Variants in PPP3R1 observed in about 807,000 individuals in gnomAD.
The protein encoded by PPP3R1 is calcineurin subunit B type 1.
In PPP3R1, 5 loss-of-function variants were observed where a neutral mutation model predicts 22.6. The observed-to-expected ratio is 0.22, with a 90% CI of 0.12 to 0.46. PPP3R1 has a LOEUF of 0.46. PPP3R1 is among the 20% of genes least tolerant of loss of function. The pLI is 0.99. For missense variants in PPP3R1, 61 were observed against 203.2 expected (o/e 0.30, Z 4.25); for synonymous variants, 56 against 65.2 (o/e 0.86, Z 0.68).
chr2:68,248,376 T>C (rs144823527), intron 1 of PPP3R1, among the ~76,000 whole-genome samples: 44 of 152,346 alleles, frequency 2.9e-4, no homozygotes, highest in Admixed American at 5.2e-4. Flanking sequence ...CTGTCTTATT[T>C]ACCCTACTTG....
intron 1 of PPP3R1, among the ~76,000 whole-genome samples, chr2:68,247,525 A>G (rs1370160761): frequency 6.6e-6 from 1 of 152,182 alleles, no homozygotes; most frequent in African/African-American, 2.4e-5. Context: ...ACTCTATCCT[A>G]TTGAAATTGG....
intron 1 of PPP3R1, among the ~76,000 whole-genome samples, chr2:68,224,760 C>T (rs1013167005): frequency 1.3e-5 from 2 of 151,068 alleles, no homozygotes; most frequent in Non-Finnish European, 2.9e-5. Flanking sequence ...AGTAAACACA[C>T]ACACACAATT....
At chr2:68,224,878 C>T (rs1376546092) in intron 1 of PPP3R1, among the ~76,000 whole-genome samples, 1 of 152,000 alleles carries the variant, frequency 6.6e-6, no homozygotes, top group Admixed American at 6.6e-5. Flanking sequence ...GACATGAAGA[C>T]TTGAATAGAT....
At position 68,188,824 on chromosome 2, in the gene PPP3R1, G is replaced by C. The variant is rs1572951839; in HGVS notation, c.44-134C>G. 4.4e-6 allele frequency: 3 copies of C among 682,052 alleles called. No homozygotes were observed. The East Asian group carries it at 8.6e-5, about 19-fold the overall frequency. 42.3% of individuals were successfully genotyped at this position (682,052 alleles called of 1,614,324 possible). On this transcript the variant is annotated intron_variant, in intron 2 of 5. Transcript: ENST00000234310. ...AAAAAAATCTAACAGTTATCCAATA[G>C]TTTAATTTCCAATTTGATAAAAAGA...
intron 1 of PPP3R1, among the ~76,000 whole-genome samples, chr2:68,251,921 C>A (rs1381002659): frequency 1.4e-5 from 2 of 144,278 alleles, no homozygotes; most frequent in African/African-American, 5.0e-5. Flanking sequence ...GGGGCGGGCG[C>A]GGGGGCCCCG....
chr2:68,187,933 T>G (rs1419860849), intron 3 of PPP3R1, among the ~76,000 whole-genome samples: 2 of 151,946 alleles, frequency 1.3e-5, no homozygotes, highest in East Asian at 3.9e-4. Flanking sequence ...TTTGGGAGGT[T>G]GAGGCACGTG....
intron 2 of PPP3R1, among the ~76,000 whole-genome samples, chr2:68,216,062 T>A (rs910884686): frequency 6.6e-6 from 1 of 152,066 alleles, no homozygotes; most frequent in East Asian, 1.9e-4. Context: ...TGGAAAACCA[T>A]AGAGGGACGA....
intron 2 of PPP3R1, 53 bp downstream of exon 2, chr2:68,217,039 C>CACGCAG (rs374427852): frequency 0.24 from 259,637 of 1,076,650 alleles, 34,976 homozygotes; most frequent in South Asian, 0.4. Flanking sequence ...CACACACACA[C>CACGCAG]AGAGAGAGAT....
At chr2:68,228,001 G>A (rs1669819976) in intron 1 of PPP3R1, among the ~76,000 whole-genome samples, 1 of 152,028 alleles carries the variant, frequency 6.6e-6, no homozygotes, top group Non-Finnish European at 1.5e-5. Flanking sequence ...TCAGCACTAC[G>A]CTAAAAAGGG....
At chr2:68,233,614 G>A (rs551059001) in intron 1 of PPP3R1, among the ~76,000 whole-genome samples, 43 of 152,044 alleles carry the variant, frequency 2.8e-4, no homozygotes, top group African/African-American at 1.0e-3. Context: ...ACTCCCAAAG[G>A]TGTATTTCCC....
intron 1 of PPP3R1, among the ~76,000 whole-genome samples, chr2:68,230,765 T>C (rs1355766222): frequency 2.6e-5 from 4 of 152,172 alleles, no homozygotes; most frequent in Admixed American, 2.0e-4. Context: ...TCCAGAAGGG[T>C]GTTTTCTCTA....
rs1553408863 is a variant in PPP3R1 at position 68,232,124 on chromosome 2, T to TATATACACAC, written c.4-14994_4-14993insGTGTGTATAT. On this transcript the variant is annotated intron_variant, in intron 1 of 5. Coordinates refer to ENST00000234310, the MANE Select transcript of PPP3R1 (RefSeq NM_000945.4). ...AAAAAAAAAAATATATATATATATA[T>TATATACACAC]ACACACACACACACATATATATGTA... 3.5e-4 allele frequency among the ~76,000 whole-genome samples: 34 copies of TATATACACAC among 98,000 alleles called. 3 individuals are homozygous for TATATACACAC. The highest frequency in any genetic ancestry group is 1.4e-3 in the African/African-American group (33 of 24,186). The allele number at this position is 98,000 out of a possible 152,430, so 64.3% of individuals were successfully genotyped here. A position where few individuals can be genotyped will look rare whatever the true frequency, so the allele number is the denominator to read the frequency against.
intron 2 of PPP3R1, among the ~76,000 whole-genome samples, chr2:68,197,967 AAT>A (rs531638541): frequency 6.7e-6 from 1 of 150,016 alleles, no homozygotes; most frequent in African/African-American, 2.5e-5. Flanking sequence ...ATGCCTTTTA[AAT>A]ATATGATACA....
intron 1 of PPP3R1, among the ~76,000 whole-genome samples, chr2:68,240,931 GA>G (rs1226157827): frequency 6.6e-6 from 1 of 152,210 alleles, no homozygotes; most frequent in Non-Finnish European, 1.5e-5. Context: ...CAGAGAGGTA[GA>G]AATAGCAACT....
intron 2 of PPP3R1, among the ~76,000 whole-genome samples, chr2:68,205,040 CCATTT>C (rs976924662): frequency 1.3e-5 from 2 of 152,044 alleles, no homozygotes; most frequent in South Asian, 2.1e-4. Context: ...CTCCCCTTTT[CCATTT>C]ATTTAAAAAG....
At chr2:68,188,083 T>C (rs1295685426) in intron 3 of PPP3R1, among the ~76,000 whole-genome samples, 4 of 152,114 alleles carry the variant, frequency 2.6e-5, no homozygotes, top group Non-Finnish European at 5.9e-5. Flanking sequence ...GACAGGAGAA[T>C]TGCTTGAACT....
At chr2:68,216,308 T>A (rs1027810695) in intron 2 of PPP3R1, among the ~76,000 whole-genome samples, 1 of 152,118 alleles carries the variant, frequency 6.6e-6, no homozygotes, top group Non-Finnish European at 1.5e-5. Flanking sequence ...AAGACCTTTT[T>A]CAAACTTAAA....
intron 5 of PPP3R1, among the ~76,000 whole-genome samples, chr2:68,183,966 G>C (rs926051534): frequency 6.6e-6 from 1 of 152,208 alleles, no homozygotes; most frequent in East Asian, 1.9e-4. Context: ...CCTAGACAGT[G>C]TAAGTCCAGC....
chr2:68,226,953 A>T (rs1013575390), intron 1 of PPP3R1, among the ~76,000 whole-genome samples: 1 of 152,066 alleles, frequency 6.6e-6, no homozygotes, highest in Non-Finnish European at 1.5e-5. Flanking sequence ...AAATAAGCAA[A>T]CAGTACTCTA....
Sources: allele counts gnomAD v4.1 joint callset (sites outside exome capture counted in the v4.1 genomes callset), GRCh38; gene constraint gnomAD v4.1.1; transcripts MANE v1.5; gene names NCBI Gene and HGNC (gene_info 2026-07-23, HGNC 2026-07-21).